SYNE1: variants seen among roughly 807,000 people sequenced by gnomAD.
SYNE1 encodes nesprin-1.
SYNE1 carries 616 observed loss-of-function variants against 1,111.0 expected under a neutral mutation model. That is an observed-to-expected ratio of 0.55 (90% CI 0.52 to 0.59). The LOEUF (loss-of-function observed/expected upper bound fraction) is 0.59, where lower values mean the gene tolerates loss of function less well. Among genes scored for constraint, SYNE1 ranks in the 20% least tolerant of loss-of-function variants. The probability of loss-of-function intolerance (pLI) is 0.00; values close to 1 mark genes in which losing one functional copy is unlikely to be tolerated. For synonymous variants in SYNE1, 3,855 were observed against 3,825.8 expected, an observed-to-expected ratio of 1.01 and a Z score of -0.28; for missense variants, 10,006 against 10,417.0, an observed-to-expected ratio of 0.96 and a Z score of 1.72.
At chr6:152,216,722 C>G (rs775817567) in intron 121 of SYNE1, among the ~76,000 whole-genome samples, 2 of 152,110 alleles carry the variant, frequency 1.3e-5, no homozygotes, top group Non-Finnish European at 2.9e-5. Context: ...AATTTTCATG[C>G]CTGTTGAATT....
At position 152,449,586 on chromosome 6, in the gene SYNE1, T is replaced by G; in HGVS notation, c.3451A>C (p.Lys1151Gln). Residue 1151 changes from lysine (K) to glutamine (Q), a missense_variant, in exon 28 of 146, where the codon AAG becomes CAG. By Grantham distance (53) the Lys-to-Gln change is moderately conservative. Transcript: ENST00000367255. Reference protein sequence around the residue: ...STNETQLKGIKGEAIDTANHG... With the variant: ...STNETQLKGIQGEAIDTANHG... Reference sequence around the variant, plus strand: ...TTGGCAGTATCGATGGCCTCACCCTTGATCCCCTTTAATTGTGTCTCATTT... The same window carrying G: ...TTGGCAGTATCGATGGCCTCACCCTGGATCCCCTTTAATTGTGTCTCATTT... 1 of 1,614,132 alleles carries G rather than the reference T, an allele frequency of 6.2e-7. No homozygotes were observed. The highest frequency in any genetic ancestry group is 1.3e-5 in the African/African-American group (1 of 75,042).
At chr6:152,498,870 T>A in intron 10 of SYNE1, 78 bp from the exon 11 acceptor site, 4 of 865,242 alleles carry the variant, frequency 4.6e-6, no homozygotes, top group Non-Finnish European at 6.6e-6. Context: ...AAGAATAAAA[T>A]CAATGGAAAG....
intron 74 of SYNE1, among the ~76,000 whole-genome samples, chr6:152,343,225 T>C (rs2096568445): frequency 6.6e-6 from 1 of 151,262 alleles, no homozygotes; most frequent in Non-Finnish European, 1.5e-5. Context: ...CAATCTTGGC[T>C]CACTGCAACC....
At chr6:152,347,331 GT>G (rs1407436714) in intron 72 of SYNE1, 96 bp from the exon 73 acceptor site, 1 of 1,412,114 alleles carries the variant, frequency 7.1e-7, no homozygotes, top group Middle Eastern at 2.0e-4. Flanking sequence ...GTTTAATATT[GT>G]TTTTGAAAGA....
chr6:152,127,512 G>A (rs531171790), intron 145 of SYNE1: 10 of 152,196 alleles, frequency 6.6e-5, no homozygotes, highest in African/African-American at 1.2e-4. Flanking sequence ...GGCTGGATTC[G>A]GCCTTTTCTC....
At chr6:152,390,232 T>G (rs1253302146) in intron 53 of SYNE1, 48 bp downstream of exon 53, 1 of 1,606,928 alleles carries the variant, frequency 6.2e-7, no homozygotes, top group Non-Finnish European at 8.5e-7. Context: ...ATCATTTTAC[T>G]AAGTCACTGC....
intron 6 of SYNE1, among the ~76,000 whole-genome samples, chr6:152,516,418 C>A (rs1346228245): frequency 6.6e-6 from 1 of 152,086 alleles, no homozygotes; most frequent in African/African-American, 2.4e-5. Context: ...ATAAACAATG[C>A]CTTTCATAGG....
At position 152,133,318 on chromosome 6, in the gene SYNE1, G is replaced by C. The variant is rs2056305953; in HGVS notation, c.25959C>G (p.Ile8653Met). 4 of 1,614,122 alleles carry C rather than the reference G, an allele frequency of 2.5e-6. No homozygotes were observed. In the East Asian group the frequency reaches 6.7e-5, roughly 27 times the overall value. The change falls in exon 143 of 146, where the codon ATC becomes ATG. Residue 8653 changes from isoleucine (I) to methionine (M), a missense_variant. By Grantham distance (10) the Ile-to-Met change is conservative (BLOSUM62 1). Coordinates refer to ENST00000367255, the MANE Select transcript of SYNE1 (RefSeq NM_182961.4). ...CGTCTAATAACTTCTCCAGTTCCTT[G>C]ATATGACGACTGACCTCCTTCAAGA... The part of the protein sequence containing the change: ...KLLLKEVSRH[I>M]KELEKLLDVS...
rs113887491 is a variant in SYNE1, at chr6:152,481,702, T to C, written c.1350+1383A>G. On this transcript the variant is annotated intron_variant, in intron 14 of 145. Transcript: ENST00000367255. ...TTGTGTAATACTATTTTCACACTTT[T>C]CTCTATTTTTAATATACTGGGGTGA... 1.1e-4 allele frequency: 38 copies of C among 346,586 alleles called. 1 individual carries two copies. The highest frequency in any genetic ancestry group is 6.0e-4 in the African/African-American group (28 of 46,990). 21.5% of individuals were successfully genotyped at this position (346,586 alleles called of 1,614,324 possible). A position where few individuals can be genotyped will look rare whatever the true frequency, so the allele number is the denominator to read the frequency against.
Position 152,396,980 on chromosome 6 carries a change from T to C in SYNE1, c.7351A>G (p.Asn2451Asp). 6.2e-7 allele frequency: 1 copy of C among 1,614,156 alleles called. No individual in the cohort carries two copies. The highest frequency in any genetic ancestry group is 1.1e-5 in the South Asian group (1 of 91,078). The change falls in exon 50 of 146, where the codon AAC becomes GAC. Residue 2451 changes from asparagine (N) to aspartate (D), a missense_variant and splice_region_variant. Around this residue, in one of 7 missense-constraint regions of SYNE1, gnomAD observed 4,955 missense variants for 5,017.2 expected, o/e 0.99. Transcript: ENST00000367255. ...CCATCACTGACTGAGTCCAAAATGT[T>C]CTGTTTCAGGAAATAAAGGTAATAG... ...VLEAKLHDLQ[N>D]ILDSVSDGQS...
intron 47 of SYNE1, among the ~76,000 whole-genome samples, 177 bp downstream of exon 47, chr6:152,400,961 C>A (rs1375006564): frequency 6.6e-6 from 1 of 152,172 alleles, no homozygotes; most frequent in Non-Finnish European, 1.5e-5. Context: ...TTTCTGAACA[C>A]CTGCACCCAG....
At chr6:152,550,965 C>A (rs2099344006) in intron 3 of SYNE1, among the ~76,000 whole-genome samples, 1 of 152,072 alleles carries the variant, frequency 6.6e-6, no homozygotes, top group African/African-American at 2.4e-5. Context: ...GAGCACAAAG[C>A]AATCAATACA....
chr6:152,323,361 C>G, intron 82 of SYNE1, 117 bp downstream of exon 82: 3 of 1,468,508 alleles, frequency 2.0e-6, no homozygotes, highest in Admixed American at 1.9e-5. Context: ...ATGGCGTGAA[C>G]CCGGGAGGCG....
chr6:152,628,044 C>CAAAAAAAAAAAAAAAAAAAAAAAA (rs66815986), intron 3 of SYNE1, among the ~76,000 whole-genome samples: 1 of 103,350 alleles, frequency 9.7e-6, no homozygotes. Context: ...CACAAAATTA[C>CAAAAAAAAAAAAAAAAAAAAAAAA]AAAAAAAAAA....
chr6:152,188,984 AATATATATATATATATATATATAT>A (rs1190850842), intron 128 of SYNE1, among the ~76,000 whole-genome samples: 350 of 23,012 alleles, frequency 0.015, 7 homozygotes, highest in African/African-American at 0.045. Flanking sequence ...AAAAAAAAAA[AATATATATATATATATATATATAT>A]ATATATATAT....
intron 3 of SYNE1, among the ~76,000 whole-genome samples, chr6:152,623,616 T>C (rs1189442564): frequency 2.6e-5 from 4 of 152,150 alleles, no homozygotes; most frequent in Non-Finnish European, 4.4e-5. Flanking sequence ...TTTTGCAAAC[T>C]ATGCAACTGA....
chr6:152,499,082 G>A (rs778421781), intron 10 of SYNE1, among the ~76,000 whole-genome samples: 28 of 152,036 alleles, frequency 1.8e-4, no homozygotes, highest in Middle Eastern at 3.4e-3. Flanking sequence ...TATTTTAGAA[G>A]GTAAACTATG....
chr6:152,330,002 G>C lies in SYNE1; in HGVS notation c.14683C>G (p.Arg4895Gly). 1.2e-6 allele frequency: 2 copies of C among 1,614,108 alleles called. No individual in the cohort carries two copies. The highest frequency in any genetic ancestry group is 1.7e-6 in the Non-Finnish European group (2 of 1,180,022). The change falls in exon 78 of 146, where the codon CGC (arginine) becomes GGC (glycine). Residue 4895 changes from arginine (R) to glycine (G), a missense_variant. Coordinates refer to ENST00000367255, the MANE Select transcript of SYNE1 (RefSeq NM_182961.4). Reference sequence around the variant, plus strand: ...ACTCTCCTCAGCCAGTCCAGGGAGCGACTCATCTCAGTCTGGAAGTCTATA... The same window carrying C: ...ACTCTCCTCAGCCAGTCCAGGGAGCCACTCATCTCAGTCTGGAAGTCTATA... ...QSIDFQTEMS[R>G]SLDWLRRVKA...
intron 3 of SYNE1, among the ~76,000 whole-genome samples, chr6:152,543,114 T>C (rs530001906): frequency 2.6e-5 from 4 of 152,144 alleles, no homozygotes; most frequent in Admixed American, 6.5e-5. Context: ...AAAATAGTAT[T>C]GTAACAATTT....
Sources: allele counts gnomAD v4.1 joint callset (sites outside exome capture counted in the v4.1 genomes callset), GRCh38; gene constraint gnomAD v4.1.1; regional missense constraint gnomAD v4.1.1; transcripts MANE v1.5; gene names NCBI Gene and HGNC (gene_info 2026-07-23, HGNC 2026-07-21).